Variants in TMEM26 observed in about 807,000 individuals in gnomAD.
TMEM26 encodes transmembrane protein 26.
Under a neutral mutation model 28.8 loss-of-function variants are expected in TMEM26, and 38 were observed. The observed-to-expected ratio is 1.32, with a 90% CI of 1.02 to 1.73. The LOEUF (loss-of-function observed/expected upper bound fraction) is 1.73, where lower values mean the gene tolerates loss of function less well. Ranked by LOEUF, TMEM26 falls within the 40% of genes most tolerant of loss-of-function variation. The pLI is 0.00. For missense variants in TMEM26, 518 were observed against 447.1 expected, an observed-to-expected ratio of 1.16 and a Z score of -1.43; for synonymous variants, 227 against 182.9, an observed-to-expected ratio of 1.24 and a Z score of -1.95.
chr10:61,430,917 A>G (rs1202879408), intron 3 of TMEM26, among the ~76,000 whole-genome samples: 1 of 152,012 alleles, frequency 6.6e-6, no homozygotes, highest in Non-Finnish European at 1.5e-5. Flanking sequence ...TTTTTTAATT[A>G]TATCATTGTT....
In TMEM26 at chr10:61,410,685, G is replaced by C. The variant is rs1488800480; in HGVS notation, c.744C>G (p.Cys248Trp). 6.2e-7 allele frequency: 1 copy of C among 1,613,972 alleles called. No individual in the cohort carries two copies. The highest frequency in any genetic ancestry group is 8.5e-7 in the Non-Finnish European group (1 of 1,180,022). ...TERGFPSLFFCQYSADLWNIG... is the reference protein window; with the variant it reads ...TERGFPSLFFWQYSADLWNIG... ...TGTTCCACAGATCGGCACTGTACTG[G>C]CAAAAGAACAGGCTGGGGAATCCCC... Residue 248 changes from cysteine to tryptophan, a missense_variant, in exon 6 of 6, where the codon TGC becomes TGG. Physicochemically the swap from Cys to Trp is radical, Grantham distance 215 (BLOSUM62 -2). Coordinates refer to ENST00000399298, the MANE Select transcript of TMEM26 (RefSeq NM_178505.8).
chr10:61,436,520 A>G (rs1356515856), intron 1 of TMEM26, among the ~76,000 whole-genome samples: 1 of 152,218 alleles, frequency 6.6e-6, no homozygotes, highest in African/African-American at 2.4e-5. Context: ...ATTAATTTTG[A>G]TATGGTTTAA....
intron 2 of TMEM26, among the ~76,000 whole-genome samples, chr10:61,433,952 AATGT>A (rs1253140479): frequency 5.9e-5 from 9 of 152,272 alleles, no homozygotes; most frequent in Admixed American, 2.0e-4. Flanking sequence ...TTAAAATAGA[AATGT>A]ATGTATCATG....
intron 1 of TMEM26, among the ~76,000 whole-genome samples, chr10:61,442,751 G>T (rs1251599834): frequency 6.6e-6 from 1 of 152,178 alleles, no homozygotes; most frequent in Non-Finnish European, 1.5e-5. Flanking sequence ...GTCTAACAAT[G>T]CAAAGGTTGT....
intron 1 of TMEM26, among the ~76,000 whole-genome samples, chr10:61,436,580 AAT>A (rs1840012332): frequency 6.6e-6 from 1 of 152,234 alleles, no homozygotes; most frequent in Non-Finnish European, 1.5e-5. Context: ...TTTTGTATTT[AAT>A]ATGTTTTACG....
chr10:61,428,138 T>A (rs1194516827), intron 4 of TMEM26, among the ~76,000 whole-genome samples: 1 of 152,128 alleles, frequency 6.6e-6, no homozygotes, highest in Non-Finnish European at 1.5e-5. Flanking sequence ...AAGCACAGCA[T>A]AAAGTAAACT....
In TMEM26 at chr10:61,415,101, G is replaced by C. The variant is rs77139213; in HGVS notation, c.606-1566C>G. On this transcript the variant is annotated intron_variant, in intron 4 of 5. Coordinates refer to ENST00000399298, the MANE Select transcript of TMEM26 (RefSeq NM_178505.8). ...GCACATATGGCATAGAACGTGGATAGAAAACCAGTACCCTGGAAGACACAA... is the reference window on the plus strand; with the variant it reads ...GCACATATGGCATAGAACGTGGATACAAAACCAGTACCCTGGAAGACACAA... 1.1e-5 allele frequency: 11 copies of C among 985,252 alleles called. No individual in the cohort carries two copies. The East Asian group carries it at 1.0e-3, about 91-fold the overall frequency. 61.0% of individuals were successfully genotyped at this position (985,252 alleles called of 1,614,324 possible).
At chr10:61,421,961 T>C (rs1041552032) in intron 4 of TMEM26, among the ~76,000 whole-genome samples, 3 of 151,790 alleles carry the variant, frequency 2.0e-5, no homozygotes, top group African/African-American at 2.4e-5. Flanking sequence ...AATTTGAAAG[T>C]AAAAGAATAA....
chr10:61,442,645 T>A (rs545982861), intron 1 of TMEM26, among the ~76,000 whole-genome samples: 1 of 152,246 alleles, frequency 6.6e-6, no homozygotes, highest in Non-Finnish European at 1.5e-5. Flanking sequence ...AGATTTTGCA[T>A]GTCCTCCGTA....
intron 1 of TMEM26, among the ~76,000 whole-genome samples, chr10:61,443,065 T>G (rs145859905): frequency 2.2e-3 from 341 of 152,240 alleles, no homozygotes; most frequent in African/African-American, 7.9e-3. Context: ...CATGTGCCTG[T>G]TCCCTGGCAA....
chr10:61,444,397 C>A (rs998012360), intron 1 of TMEM26, among the ~76,000 whole-genome samples: 1 of 152,116 alleles, frequency 6.6e-6, no homozygotes, highest in African/African-American at 2.4e-5. Context: ...TTATTTCATT[C>A]TAAATAAAGA....
intron 4 of TMEM26, among the ~76,000 whole-genome samples, chr10:61,419,881 G>A (rs1210725183): frequency 6.6e-6 from 1 of 152,070 alleles, no homozygotes; most frequent in Admixed American, 6.6e-5. Flanking sequence ...ACACATCTCA[G>A]CTACTAAAAG....
intron 1 of TMEM26, among the ~76,000 whole-genome samples, chr10:61,450,198 T>C (rs978095594): frequency 1.3e-5 from 2 of 152,180 alleles, no homozygotes; most frequent in Non-Finnish European, 2.9e-5. Flanking sequence ...GGCTTATCTA[T>C]ATATAGATTA....
Position 61,410,078 on chromosome 10 carries a change from T to C in TMEM26, c.*244A>G, listed in dbSNP as rs1221667818. On this transcript the variant is annotated 3_prime_UTR_variant, in exon 6 of 6. Coordinates refer to ENST00000399298, the MANE Select transcript of TMEM26 (RefSeq NM_178505.8). Reference sequence around the variant, plus strand: ...TTTCAAACAGTTCAAGACAAACAAATCACTTAGTCGTTGAACAACTATAAC... The same window carrying C: ...TTTCAAACAGTTCAAGACAAACAAACCACTTAGTCGTTGAACAACTATAAC... The C allele has an allele frequency of 3.8e-6, 2 of 532,004 alleles. No individual in the cohort carries two copies. Among genetic ancestry groups the C allele is most frequent in the Non-Finnish European group, 6.7e-6 (2 of 299,838 alleles). 33.0% of individuals were successfully genotyped at this position (532,004 alleles called of 1,614,324 possible).
At position 61,410,652 on chromosome 10, in the gene TMEM26, G is replaced by A; in HGVS notation, c.777C>T (p.Ile259=). 1.2e-6 allele frequency: 2 copies of A among 1,614,106 alleles called. No individual in the cohort carries two copies. The highest frequency in any genetic ancestry group is 1.1e-5 in the South Asian group (1 of 91,070). Residue 259 remains isoleucine, a synonymous_variant, in exon 6 of 6, where the codon ATC becomes ATT. Coordinates refer to ENST00000399298, the MANE Select transcript of TMEM26 (RefSeq NM_178505.8). ...AGGGGCCATCTTGTATGAAGACGCT[G>A]ATTCCGATGTTCCACAGATCGGCAC... ...QYSADLWNIG[I]SVFIQDGPFL... is the part of the protein sequence containing the mutation.
chr10:61,438,590 C>A (rs1322845042), intron 1 of TMEM26, among the ~76,000 whole-genome samples: 2 of 152,104 alleles, frequency 1.3e-5, no homozygotes, highest in Admixed American at 6.5e-5. Context: ...ACAAACAATA[C>A]CCTTAACATC....
chr10:61,413,359 C>A (rs1839598762), intron 5 of TMEM26, 100 bp downstream of exon 5: 2 of 1,504,234 alleles, frequency 1.3e-6, no homozygotes, highest in African/African-American at 2.8e-5. Context: ...TATTGGGATA[C>A]AGACATGATA....
intron 1 of TMEM26, among the ~76,000 whole-genome samples, chr10:61,449,592 A>G (rs1039192919): frequency 3.3e-5 from 5 of 152,182 alleles, no homozygotes; most frequent in Non-Finnish European, 5.9e-5. Context: ...TCCAAGTGTA[A>G]ATTTGAATTA....
At chr10:61,449,947 A>G (rs1247223277) in intron 1 of TMEM26, among the ~76,000 whole-genome samples, 1 of 152,156 alleles carries the variant, frequency 6.6e-6, no homozygotes, top group Non-Finnish European at 1.5e-5. Context: ...TATATCATGG[A>G]CATTCCTTGA....
Sources: gnomAD v4.1 joint callset for allele counts (sites outside exome capture counted in the v4.1 genomes callset) on GRCh38, gnomAD v4.1.1 for gene constraint, MANE v1.5 for transcripts, NCBI Gene and HGNC (gene_info 2026-07-23, HGNC 2026-07-21) for gene names.